Variants in GTF3C5 observed in about 807,000 individuals in gnomAD.
The protein encoded by GTF3C5 is general transcription factor 3C polypeptide 5.
In GTF3C5, 47 loss-of-function variants were observed where a neutral mutation model predicts 61.0. The observed-to-expected ratio is 0.77, with a 90% confidence interval of 0.61 to 0.98. The LOEUF (loss-of-function observed/expected upper bound fraction) is 0.98, where lower values mean the gene tolerates loss of function less well. Among genes scored for constraint, GTF3C5 ranks in the 50% least tolerant of loss-of-function variants. GTF3C5 has a pLI of 0.00. For missense variants in GTF3C5, 659 were observed against 703.3 expected, an observed-to-expected ratio of 0.94 and a Z score of 0.71; for synonymous variants, 295 against 275.4, an observed-to-expected ratio of 1.07 and a Z score of -0.71.
At chr9:133,034,824 A>C (rs77611510) in intron 1 of GTF3C5, among the ~76,000 whole-genome samples, 2,640 of 152,290 alleles carry the variant, frequency 0.017, 86 homozygotes, top group African/African-American at 0.058. Context: ...TATAGTTTTT[A>C]AGAAACTGAT....
rs538571582 is a variant in GTF3C5, at chr9:133,053,975, TTC to T, written c.988+41_988+42del. The T allele has an allele frequency of 1.4e-5, 17 of 1,232,216 alleles. No homozygotes were observed. The East Asian group carries it at 2.3e-4, about 17-fold the overall frequency. 76.3% of individuals were successfully genotyped at this position (1,232,216 alleles called of 1,614,324 possible). ...TTCCTGAAAGCTTTGCTTCCTGCCT[TTC>T]TCTCTCTTTATCTTTCAGTTTCTAG... On this transcript the variant is annotated intron_variant, in intron 6 of 10. Coordinates refer to ENST00000372097, the MANE Select transcript of GTF3C5 (RefSeq NM_012087.4).
At position 133,041,192 on chromosome 9, in the gene GTF3C5, A is replaced by C. The variant is rs115978317; in HGVS notation, c.154-895A>C. 3.0e-3 allele frequency among the ~76,000 whole-genome samples: 459 copies of C among 152,338 alleles called. 2 individuals carry two copies. The highest frequency in any genetic ancestry group is 0.01 in the African/African-American group (436 of 41,584). ...CAAGGAAAAACACCCGCTACTTAGCAGACCTGCAAAGGGAGTCTCCCTTTC... is the reference window on the plus strand; with the variant it reads ...CAAGGAAAAACACCCGCTACTTAGCCGACCTGCAAAGGGAGTCTCCCTTTC... On this transcript the variant is annotated intron_variant, in intron 1 of 10. Transcript: ENST00000372097.
rs1285345189 is a variant in GTF3C5, at chr9:133,054,924, G to A, written c.1167+115G>A. On this transcript the variant is annotated intron_variant, in intron 8 of 10. Coordinates refer to ENST00000372097, the MANE Select transcript of GTF3C5 (RefSeq NM_012087.4). The stretch of plus-strand genomic sequence containing the variant: ...GGGCAGCTCTGCCCACCGGGGCCTC[G>A]GCACCTTGCTTCCTTTTAGGTCAGC... 42 of 1,547,574 alleles carry A rather than the reference G, an allele frequency of 2.7e-5. No homozygotes were observed. The Middle Eastern group carries it at 5.0e-4, about 18-fold the overall frequency.
At chr9:133,032,959 C>T (rs772988772) in intron 1 of GTF3C5, among the ~76,000 whole-genome samples, 2 of 152,194 alleles carry the variant, frequency 1.3e-5, no homozygotes, top group Non-Finnish European at 2.9e-5. Flanking sequence ...AAGCATGACA[C>T]AAACGCCACC....
At chr9:133,055,186 C>T in intron 8 of GTF3C5, 1 of 1,533,412 alleles carries the variant, frequency 6.5e-7, no homozygotes. Flanking sequence ...ATGTGGGCTG[C>T]AGCTGTGGCA....
chr9:133,043,657 G>A, intron 2 of GTF3C5, 71 bp from the exon 3 acceptor site: 1 of 1,232,168 alleles, frequency 8.1e-7, no homozygotes, highest in Non-Finnish European at 1.2e-6. Context: ...CTAAGCAGAT[G>A]TGGGTGTCGG....
At chr9:133,046,484 A>G (rs1329306916) in intron 3 of GTF3C5, among the ~76,000 whole-genome samples, 1 of 152,244 alleles carries the variant, frequency 6.6e-6, no homozygotes, top group Non-Finnish European at 1.5e-5. Flanking sequence ...AGAAGCCTAG[A>G]AAAGTCTGGA....
chr9:133,054,041 A>C lies in GTF3C5; in HGVS notation c.988+99A>C, dbSNP rs550608700. ...AGTAAGAATCTTTTCATTTGGAAAG[A>C]ATAAAAAAACCTTTTGCCCCCGTTG... On this transcript the variant is annotated intron_variant, in intron 6 of 10. Transcript: ENST00000372097. 38 of 865,556 alleles carry C rather than the reference A, an allele frequency of 4.4e-5. No individual in the cohort carries two copies. In the African/African-American group the frequency reaches 6.3e-4, roughly 14 times the overall value. 53.6% of individuals were successfully genotyped at this position (865,556 alleles called of 1,614,324 possible). A position where few individuals can be genotyped will look rare whatever the true frequency, so the allele number is the denominator to read the frequency against.
chr9:133,055,547 A>G, intron 8 of GTF3C5: 1 of 985,404 alleles, frequency 1.0e-6, no homozygotes, highest in Non-Finnish European at 1.2e-6. Context: ...TTACTCTAGA[A>G]CTACATGGCT....
In GTF3C5 at chr9:133,043,739, T is replaced by C. The variant is rs1850108173; in HGVS notation, c.385T>C (p.Phe129Leu). 6.2e-7 allele frequency: 1 copy of C among 1,613,966 alleles called. No homozygotes were observed. Among genetic ancestry groups the C allele is most frequent in the Admixed American group, 1.7e-5 (1 of 60,000 alleles). ...TIYKFQGMSD[F>L]QYLAVHTEAG... ...ACCTCTCTTTCTAGGGATGTCTGAC[T>C]TCCAGTACTTGGCTGTGCATACGGA... Residue 129 changes from phenylalanine to leucine, a missense_variant, in exon 3 of 11, where the codon TTC (phenylalanine) becomes CTC (leucine). Phe to Leu is a conservative substitution (Grantham distance 22). Coordinates refer to ENST00000372097, the MANE Select transcript of GTF3C5 (RefSeq NM_012087.4).
rs772179043 is a variant in GTF3C5, at chr9:133,043,924, C to T, written c.570C>T (p.His190=). 1.2e-6 allele frequency: 2 copies of T among 1,611,230 alleles called. No individual in the cohort carries two copies. The highest frequency in any genetic ancestry group is 1.7e-5 in the Admixed American group (1 of 59,996). The change falls in exon 3 of 11, where the codon CAC becomes CAT. Residue 190 remains histidine, a splice_region_variant and synonymous_variant. Coordinates refer to ENST00000372097, the MANE Select transcript of GTF3C5 (RefSeq NM_012087.4). ...ACTTCTACCGACCAGAGACCCAGCA[C>T]CGGTAAGGCCCCCCTCCATGCAGCC... ...VDYFYRPETQ[H]REGYNNPPIS... is the part of the protein sequence containing the mutation.
chr9:133,030,936 C>A (rs749957946), upstream of GTF3C5: 26 of 1,517,616 alleles, frequency 1.7e-5, no homozygotes, highest in Non-Finnish European at 2.1e-5. Context: ...ACGATTCCTT[C>A]GCGGAACAAT....
intron 1 of GTF3C5, among the ~76,000 whole-genome samples, chr9:133,038,105 G>A (rs2118980617): frequency 6.6e-6 from 1 of 152,236 alleles, no homozygotes; most frequent in African/African-American, 2.4e-5. Context: ...TCGGCGGGAA[G>A]GGCAGTTACA....
chr9:133,044,146 CAAAAAAAA>C (rs34524914), intron 3 of GTF3C5: 64 of 108,470 alleles, frequency 5.9e-4, no homozygotes, highest in South Asian at 1.5e-3. Context: ...CTTTGTCTCC[CAAAAAAAA>C]AAAAAAAAAA....
At chr9:133,034,365 C>T (rs548076488) in intron 1 of GTF3C5, among the ~76,000 whole-genome samples, 2 of 152,256 alleles carry the variant, frequency 1.3e-5, no homozygotes, top group South Asian at 4.1e-4. Flanking sequence ...GGATAGCTGC[C>T]TTTGAGCTTG....
At position 133,035,862 on chromosome 9, in the gene GTF3C5, AGG is replaced by A. The variant is rs1849847255; in HGVS notation, c.153+4699_153+4700del. Among the ~76,000 whole-genome samples the A allele has an allele frequency of 3.3e-5, 5 of 152,322 alleles. No homozygotes were observed. The South Asian group carries it at 8.3e-4, about 25-fold the overall frequency. ...TTGGGTGATTAATTCCTTGTGGGCA[AGG>A]TCTTGGCCTTTGCTATTAATGAGAC... is the stretch of plus-strand genomic sequence containing the variant. On this transcript the variant is annotated intron_variant, in intron 1 of 10. Transcript: ENST00000372097.
At chr9:133,047,456 G>A (rs1453557683) in intron 3 of GTF3C5, among the ~76,000 whole-genome samples, 2 of 151,772 alleles carry the variant, frequency 1.3e-5, no homozygotes, top group East Asian at 3.9e-4. Flanking sequence ...CACATAGAAT[G>A]ATACCATTTT....
upstream of GTF3C5, chr9:133,030,713 A>C (rs561517184): frequency 9.6e-6 from 5 of 520,168 alleles, no homozygotes; most frequent in African/African-American, 1.9e-5. Flanking sequence ...TTTGTGTCTT[A>C]TTATCCTCCG....
intron 1 of GTF3C5, among the ~76,000 whole-genome samples, chr9:133,038,079 G>A (rs1015618710): frequency 2.0e-5 from 3 of 152,118 alleles, no homozygotes; most frequent in Non-Finnish European, 2.9e-5. Context: ...GAGCGGTTTC[G>A]CCAGGAAGAA....
Sources: allele counts gnomAD v4.1 joint callset (sites outside exome capture counted in the v4.1 genomes callset), GRCh38; gene constraint gnomAD v4.1.1; transcripts MANE v1.5; gene names NCBI Gene and HGNC (gene_info 2026-07-23, HGNC 2026-07-21).